MAGI2: variants seen among roughly 807,000 people sequenced by gnomAD.
The protein encoded by MAGI2 is membrane-associated guanylate kinase, WW and PDZ domain-containing protein 2.
MAGI2 carries 35 observed loss-of-function variants against 133.3 expected under a neutral mutation model. That is an observed-to-expected ratio of 0.26 (90% CI 0.20 to 0.35). MAGI2 has a LOEUF of 0.35. Ranked by LOEUF, MAGI2 falls within the 10% of genes least tolerant of loss-of-function variation. The probability of loss-of-function intolerance (pLI) is 1.00; values close to 1 mark genes in which losing one functional copy is unlikely to be tolerated. For missense variants in MAGI2, 1,636 were observed against 1,863.4 expected (o/e 0.88, Z 2.25); for synonymous variants, 729 against 710.6 (o/e 1.03, Z -0.41).
chr7:79,115,925 A>G (rs1294060943), intron 1 of MAGI2, among the ~76,000 whole-genome samples: 1 of 134,310 alleles, frequency 7.4e-6, no homozygotes, highest in Non-Finnish European at 1.5e-5. Context: ...ATCTACTTGC[A>G]GGTCTTAACA....
chr7:78,534,374 A>G (rs1301100928), intron 3 of MAGI2, among the ~76,000 whole-genome samples: 2 of 152,250 alleles, frequency 1.3e-5, no homozygotes, highest in African/African-American at 4.8e-5. Flanking sequence ...CACAAGAAAT[A>G]AAATTGCTCC....
chr7:78,590,908 A>G (rs748054719), intron 3 of MAGI2, among the ~76,000 whole-genome samples: 8 of 152,154 alleles, frequency 5.3e-5, no homozygotes, highest in Non-Finnish European at 8.8e-5. Flanking sequence ...GGTCACTTTT[A>G]TTTCTGAGAA....
intron 2 of MAGI2, among the ~76,000 whole-genome samples, chr7:78,927,174 CTGG>C (rs551020744): frequency 4.0e-4 from 61 of 151,962 alleles, no homozygotes; most frequent in Non-Finnish European, 7.1e-4. Context: ...AACCTAGAGT[CTGG>C]TGTCTGTCTC....
At chr7:79,426,969 C>A (rs1253949470) in intron 1 of MAGI2, among the ~76,000 whole-genome samples, 2 of 152,114 alleles carry the variant, frequency 1.3e-5, no homozygotes, top group Admixed American at 6.5e-5. Context: ...GAAAAAAAAT[C>A]TTTACTTCCA....
chr7:79,071,775 C>T (rs895594680), intron 1 of MAGI2, among the ~76,000 whole-genome samples: 2 of 152,170 alleles, frequency 1.3e-5, no homozygotes, highest in African/African-American at 4.8e-5. Context: ...GGGAAAACCA[C>T]CTACTCAAGC....
At chr7:79,277,491 G>A (rs1418553838) in intron 1 of MAGI2, among the ~76,000 whole-genome samples, 2 of 151,998 alleles carry the variant, frequency 1.3e-5, no homozygotes, top group Non-Finnish European at 2.9e-5. Flanking sequence ...TATGTCCATG[G>A]TGTGCCTGTA....
intron 1 of MAGI2, among the ~76,000 whole-genome samples, chr7:79,341,394 T>C (rs1265451504): frequency 6.7e-6 from 1 of 150,052 alleles, no homozygotes; most frequent in Non-Finnish European, 1.5e-5. Context: ...ACGAGTTGTG[T>C]TTATTTAAAA....
At chr7:78,369,101 T>C in intron 7 of MAGI2, 55 bp downstream of exon 7, 1 of 1,270,864 alleles carries the variant, frequency 7.9e-7, no homozygotes, top group Non-Finnish European at 1.1e-6. Flanking sequence ...AATAAAATAC[T>C]AACATAATTT....
intron 2 of MAGI2, among the ~76,000 whole-genome samples, chr7:78,958,306 T>C (rs1167038225): frequency 6.6e-6 from 1 of 152,150 alleles, no homozygotes; most frequent in Non-Finnish European, 1.5e-5. Flanking sequence ...ATAGGTCTTC[T>C]AAATTGGGTG....
chr7:79,234,267 T>C (rs1181870030), intron 1 of MAGI2, among the ~76,000 whole-genome samples: 1 of 146,590 alleles, frequency 6.8e-6, no homozygotes, highest in Non-Finnish European at 1.5e-5. Context: ...CTGACAATTA[T>C]GTGTCTTGGA....
At chr7:78,124,446 T>C (rs995535480) in intron 20 of MAGI2, among the ~76,000 whole-genome samples, 7 of 152,204 alleles carry the variant, frequency 4.6e-5, no homozygotes, top group Non-Finnish European at 8.8e-5. Flanking sequence ...AACAAAGACA[T>C]GATGTGCATG....
intron 2 of MAGI2, among the ~76,000 whole-genome samples, chr7:78,785,673 C>T (rs37851): frequency 0.52 from 79,813 of 152,036 alleles, 21,163 homozygotes; most frequent in East Asian, 0.67. Flanking sequence ...CTATTTATTT[C>T]TCCTCTTTCC....
chr7:79,154,242 G>C (rs1308715236), intron 1 of MAGI2, among the ~76,000 whole-genome samples: 1 of 152,164 alleles, frequency 6.6e-6, no homozygotes, highest in Non-Finnish European at 1.5e-5. Flanking sequence ...ATTCAATAAA[G>C]TAGTCATTGA....
intron 6 of MAGI2, among the ~76,000 whole-genome samples, chr7:78,436,153 G>A (rs771792335): frequency 3.9e-5 from 6 of 152,156 alleles, no homozygotes; most frequent in African/African-American, 1.4e-4. Flanking sequence ...GGTCAAACTG[G>A]TCAAGGGGCT....
chr7:79,343,062 C>T (rs1279212752), intron 1 of MAGI2, among the ~76,000 whole-genome samples: 1 of 152,028 alleles, frequency 6.6e-6, no homozygotes, highest in Admixed American at 6.6e-5. Flanking sequence ...TCATGCCCGG[C>T]CTGAGGAAGC....
At chr7:79,387,091 T>C in intron 1 of MAGI2, among the ~76,000 whole-genome samples, 1 of 139,178 alleles carries the variant, frequency 7.2e-6, no homozygotes, top group East Asian at 2.3e-4. Flanking sequence ...CAAATTTTTA[T>C]GCTTGTGTGT....
chr7:79,312,145 G>T (rs1295964181), intron 1 of MAGI2, among the ~76,000 whole-genome samples: 1 of 152,092 alleles, frequency 6.6e-6, no homozygotes, highest in East Asian at 1.9e-4. Context: ...GGAAATTTTT[G>T]TCAAGTAAAT....
At chr7:78,137,085 C>T (rs1822222291) in intron 16 of MAGI2, among the ~76,000 whole-genome samples, 2 of 151,734 alleles carry the variant, frequency 1.3e-5, no homozygotes, top group South Asian at 4.2e-4. Context: ...TATAAGAACT[C>T]ATTAATTTAC....
intron 1 of MAGI2, among the ~76,000 whole-genome samples, chr7:79,073,329 G>A (rs73143429): frequency 0.012 from 1,850 of 152,212 alleles, 25 homozygotes; most frequent in South Asian, 0.038. Context: ...GTTGAATTTG[G>A]TTCTTCCTTG....
Sources: gnomAD v4.1 joint callset for allele counts (sites outside exome capture counted in the v4.1 genomes callset) on GRCh38, gnomAD v4.1.1 for gene constraint, MANE v1.5 for transcripts, NCBI Gene and HGNC (gene_info 2026-07-23, HGNC 2026-07-21) for gene names.